MYO16: variants seen among roughly 807,000 people sequenced by gnomAD.
The protein encoded by MYO16 is unconventional myosin-XVI.
A neutral mutation model predicts 205.3 loss-of-function variants in MYO16; 94 were observed. The observed-to-expected ratio is 0.46, with a 90% CI of 0.39 to 0.54. The LOEUF is 0.54. Ranked by LOEUF, MYO16 falls within the 20% of genes least tolerant of loss-of-function variation. The probability of loss-of-function intolerance (pLI) is 0.00; values close to 1 mark genes in which losing one functional copy is unlikely to be tolerated. For missense variants in MYO16, 2,315 were observed against 2,387.5 expected, an observed-to-expected ratio of 0.97 and a Z score of 0.63; for synonymous variants, 988 against 954.0, an observed-to-expected ratio of 1.04 and a Z score of -0.66.
chr13:108,957,408 C>CATGAATCACT (rs1186452382), intron 16 of MYO16, among the ~76,000 whole-genome samples: 1 of 103,188 alleles, frequency 9.7e-6, no homozygotes, highest in Non-Finnish European at 2.1e-5. Context: ...AAAACAAAAA[C>CATGAATCACT]ATGAATCACT....
rs1351892316 is a variant in MYO16, at chr13:109,162,690, C to T, written c.5165-2211C>T. Among the ~76,000 whole-genome samples, 2 of 152,084 alleles carry T rather than the reference C, an allele frequency of 1.3e-5. No homozygotes were observed. The highest frequency in any genetic ancestry group is 1.9e-4 in the East Asian group (1 of 5,186). On this transcript the variant is annotated intron_variant, in intron 32 of 34. Coordinates refer to ENST00000457511, the MANE Select transcript of MYO16 (RefSeq NM_001198950.3). This position sits in a 1 kb window ranked among gnomAD's most constrained non-coding sequence, Gnocchi z 4.6. ...GCAGTGGTATTCATTATGTATCTCCCGCACTCAGTGAGTATCTGGCACATA... is the reference window on the plus strand; with the variant it reads ...GCAGTGGTATTCATTATGTATCTCCTGCACTCAGTGAGTATCTGGCACATA...
At chr13:108,879,479 A>C (rs1879494946) in intron 12 of MYO16, among the ~76,000 whole-genome samples, 1 of 152,124 alleles carries the variant, frequency 6.6e-6, no homozygotes. Context: ...CATCATTTAC[A>C]TTAGGTATAT....
At chr13:108,844,244 TA>T in intron 9 of MYO16, 98 bp from the exon 10 acceptor site, 2 of 940,048 alleles carry the variant, frequency 2.1e-6, no homozygotes, top group Non-Finnish European at 2.9e-6. Flanking sequence ...CTTATCTGAA[TA>T]AAACCACCGT....
At chr13:109,071,363 G>A (rs1887920819) in intron 27 of MYO16, among the ~76,000 whole-genome samples, 1 of 152,152 alleles carries the variant, frequency 6.6e-6, no homozygotes, top group South Asian at 2.1e-4. Flanking sequence ...GCAGAAGAAT[G>A]AATGCTATTA....
intron 27 of MYO16, among the ~76,000 whole-genome samples, chr13:109,094,275 A>G (rs769937635): frequency 6.6e-6 from 1 of 152,126 alleles, no homozygotes; most frequent in African/African-American, 2.4e-5. Flanking sequence ...CAATGGTGTG[A>G]TCATAGCTCA....
At chr13:108,683,324 AG>A in intron 2 of MYO16, among the ~76,000 whole-genome samples, 1 of 146,566 alleles carries the variant, frequency 6.8e-6, no homozygotes, top group Non-Finnish European at 1.5e-5. Flanking sequence ...ACAGGCTCAC[AG>A]GAGAAGCTTC....
chr13:108,931,341 A>G (rs1186668733), intron 16 of MYO16, among the ~76,000 whole-genome samples: 1 of 152,082 alleles, frequency 6.6e-6, no homozygotes, highest in Non-Finnish European at 1.5e-5. Flanking sequence ...CTCGCCAAAC[A>G]TGTCTGTGAA....
At chr13:108,821,186 G>T (rs1875951569) in intron 8 of MYO16, among the ~76,000 whole-genome samples, 1 of 151,974 alleles carries the variant, frequency 6.6e-6, no homozygotes, top group South Asian at 2.1e-4. Context: ...TACCTCTGCT[G>T]ACTTAAATGT....
intron 27 of MYO16, among the ~76,000 whole-genome samples, chr13:109,080,543 T>C (rs1415218219): frequency 6.6e-6 from 1 of 151,134 alleles, no homozygotes; most frequent in East Asian, 2.0e-4. Context: ...TTCTGTAGAG[T>C]TCTGAACAGA....
Position 108,629,785 on chromosome 13 carries a change from A to T in MYO16, c.-60A>T, listed in dbSNP as rs548620399. ...TTAAGTAATGCATTTCCTGGGAACG[A>T]CAGTTGTGACAGAAGAGAATGCTGG... On this transcript the variant is annotated 5_prime_UTR_variant, in exon 1 of 35. Coordinates refer to ENST00000457511, the MANE Select transcript of MYO16 (RefSeq NM_001198950.3). 4 of 1,479,544 alleles carry T rather than the reference A, an allele frequency of 2.7e-6. No individual in the cohort carries two copies. In the African/African-American group the frequency reaches 5.5e-5, roughly 20 times the overall value. The allele number at this position is 1,479,544 out of a possible 1,614,324, so 91.7% of individuals were successfully genotyped here. A position where few individuals can be genotyped will look rare whatever the true frequency, so the allele number is the denominator to read the frequency against.
At chr13:108,646,135 C>T (rs1458204800) in intron 1 of MYO16, among the ~76,000 whole-genome samples, 1 of 152,100 alleles carries the variant, frequency 6.6e-6, no homozygotes. Flanking sequence ...AGTGGTAGCT[C>T]CCATGAAAGG....
At chr13:109,195,803 G>A (rs1013354628) in intron 34 of MYO16, among the ~76,000 whole-genome samples, 2 of 152,086 alleles carry the variant, frequency 1.3e-5, no homozygotes, top group Non-Finnish European at 2.9e-5. Flanking sequence ...AAAGACTTAA[G>A]TTAAAAATCG....
chr13:109,012,235 G>C (rs2139489954), intron 22 of MYO16, among the ~76,000 whole-genome samples: 1 of 152,224 alleles, frequency 6.6e-6, no homozygotes, highest in Non-Finnish European at 1.5e-5. Flanking sequence ...CCAACCCCTG[G>C]GGCACAGACC....
At chr13:109,006,088 A>C (rs1364109707) in intron 21 of MYO16, among the ~76,000 whole-genome samples, 1 of 152,160 alleles carries the variant, frequency 6.6e-6, no homozygotes, top group East Asian at 1.9e-4. Flanking sequence ...GAGGACATGA[A>C]TGCCCATTAG....
intron 20 of MYO16, among the ~76,000 whole-genome samples, chr13:108,971,626 T>C (rs1884014903): frequency 2.6e-5 from 4 of 151,878 alleles, no homozygotes; most frequent in Admixed American, 2.6e-4. Context: ...TTCTAACATA[T>C]ATATGGAGAT....
chr13:108,511,299 C>T, the MYO16 span, among the ~76,000 whole-genome samples: 2,134 of 129,230 alleles, frequency 0.017, 140 homozygotes, highest in African/African-American at 0.057. Context: ...TCATGTCCTT[C>T]GCCCACTTTT....
chr13:109,195,013 A>G (rs1321314477), intron 34 of MYO16, among the ~76,000 whole-genome samples: 1 of 151,962 alleles, frequency 6.6e-6, no homozygotes, highest in East Asian at 1.9e-4. Flanking sequence ...ACTCATAACT[A>G]TGTGTGGAGA....
chr13:108,820,200 G>A, intron 7 of MYO16, 137 bp from the exon 8 acceptor site: 1 of 589,568 alleles, frequency 1.7e-6, no homozygotes, highest in South Asian at 2.3e-5. Context: ...TGGGAAAGGG[G>A]ACAGGAAGGA....
At chr13:108,870,976 T>TA (rs1279800035) in intron 12 of MYO16, among the ~76,000 whole-genome samples, 1 of 152,092 alleles carries the variant, frequency 6.6e-6, no homozygotes, top group Non-Finnish European at 1.5e-5. Flanking sequence ...TTTCTTTCTA[T>TA]AAAAAATATA....
Sources: gnomAD v4.1 joint callset for allele counts (sites outside exome capture counted in the v4.1 genomes callset) on GRCh38, gnomAD v4.1.1 for gene constraint, Gnocchi (gnomAD v3.1) non-coding constraint, MANE v1.5 for transcripts, NCBI Gene and HGNC (gene_info 2026-07-23, HGNC 2026-07-21) for gene names.